SNCAIP: variants seen among roughly 807,000 people sequenced by gnomAD.
The protein encoded by SNCAIP is synphilin-1.
SNCAIP carries 43 observed loss-of-function variants against 86.7 expected under a neutral mutation model. The ratio of observed to expected loss-of-function variants is 0.50; its 90% CI spans 0.39 to 0.64. The LOEUF (loss-of-function observed/expected upper bound fraction) is 0.64, where lower values mean the gene tolerates loss of function less well. Ranked by LOEUF, SNCAIP falls within the 30% of genes least tolerant of loss-of-function variation. The probability of loss-of-function intolerance (pLI) is 0.00; values close to 1 mark genes in which losing one functional copy is unlikely to be tolerated. For synonymous variants in SNCAIP, 417 were observed against 427.2 expected, an observed-to-expected ratio of 0.98 and a Z score of 0.29; for missense variants, 981 against 1,103.1, an observed-to-expected ratio of 0.89 and a Z score of 1.57.
At chr5:122,318,379 C>T (rs953176266) in intron 1 of SNCAIP, among the ~76,000 whole-genome samples, 1 of 152,156 alleles carries the variant, frequency 6.6e-6, no homozygotes, top group African/African-American at 2.4e-5. Context: ...ACACTTTATC[C>T]TGTGGTACGT....
At chr5:122,311,721 G>C, upstream of SNCAIP, 1 of 152,776 alleles carries the variant, frequency 6.5e-6, no homozygotes, top group African/African-American at 2.4e-5. Context: ...AAAGTAGGCG[G>C]GGAGGAGAGG....
chr5:122,450,621 C>T lies in SNCAIP; in HGVS notation c.1774C>T (p.Gln592Ter). The T allele has an allele frequency of 6.2e-7, 1 of 1,613,970 alleles. No individual in the cohort carries two copies. The highest frequency in any genetic ancestry group is 8.5e-7 in the Non-Finnish European group (1 of 1,179,910). Residue 592 changes from glutamine to a stop codon, truncating the protein, a stop_gained, in exon 10 of 11, where the codon CAA becomes TAA. Coordinates refer to ENST00000261368, the MANE Select transcript of SNCAIP (RefSeq NM_005460.4). LOFTEE classifies it high-confidence loss of function. ...TGTAGCCAAAAGCAAGCCAGGAGTCCAAGAGGGGATTCAGGTTCTTGGAAG... is the reference window on the plus strand; with the variant it reads ...TGTAGCCAAAAGCAAGCCAGGAGTCTAAGAGGGGATTCAGGTTCTTGGAAG... ...DSVAKSKPGV[Q>*]EGIQVLGSLS...
chr5:122,390,477 T>C (rs1769114540), intron 1 of SNCAIP, among the ~76,000 whole-genome samples: 1 of 152,182 alleles, frequency 6.6e-6, no homozygotes, highest in African/African-American at 2.4e-5. Context: ...GCAAAGCTGT[T>C]TGAGGCAGAG....
At chr5:122,398,141 G>A (rs540726411) in intron 2 of SNCAIP, among the ~76,000 whole-genome samples, 43 of 152,254 alleles carry the variant, frequency 2.8e-4, no homozygotes, top group African/African-American at 9.6e-4. Context: ...TGCAAGAGCA[G>A]GAAGGCCCAT....
chr5:122,415,068 C>G (rs1775013347), intron 3 of SNCAIP, among the ~76,000 whole-genome samples: 1 of 152,216 alleles, frequency 6.6e-6, no homozygotes, highest in South Asian at 2.1e-4. Flanking sequence ...TTAAATCTTT[C>G]TTTCACTCTT....
chr5:122,436,496 A>C (rs1474343715), intron 6 of SNCAIP: 1 of 152,194 alleles, frequency 6.6e-6, no homozygotes, highest in African/African-American at 2.4e-5. Context: ...TAACCTATTT[A>C]ATCAATTCTT....
intron 1 of SNCAIP, among the ~76,000 whole-genome samples, chr5:122,348,971 A>G (rs895227071): frequency 6.6e-6 from 1 of 152,164 alleles, no homozygotes; most frequent in African/African-American, 2.4e-5. Flanking sequence ...CTTGTGATAT[A>G]ATTTTTAATG....
chr5:122,367,717 T>C (rs1311155369), intron 1 of SNCAIP, among the ~76,000 whole-genome samples: 1 of 152,088 alleles, frequency 6.6e-6, no homozygotes. Context: ...CTTTCCCGTT[T>C]CAAGCAGAAA....
Position 122,453,823 on chromosome 5 carries a change from G to A in SNCAIP, c.2754+2222G>A, listed in dbSNP as rs369344682. Among the ~76,000 whole-genome samples, 10 of 147,606 alleles carry A rather than the reference G, an allele frequency of 6.8e-5. No homozygotes were observed. The East Asian group carries it at 8.0e-4, about 12-fold the overall frequency. ...CACCCAGGCTGGAGTGCAGTGACAC[G>A]ATCTTGGCTCACTGCAACCTCTGCC... On this transcript the variant is annotated intron_variant, in intron 10 of 10. Transcript: ENST00000261368.
intron 1 of SNCAIP, among the ~76,000 whole-genome samples, chr5:122,338,764 C>A (rs567540744): frequency 6.6e-6 from 1 of 152,244 alleles, no homozygotes; most frequent in South Asian, 2.1e-4. Flanking sequence ...TTGTGTCATT[C>A]ATGTCTGTTT....
chr5:122,354,551 G>A (rs1760620556), intron 1 of SNCAIP, among the ~76,000 whole-genome samples: 1 of 152,184 alleles, frequency 6.6e-6, no homozygotes, highest in Non-Finnish European at 1.5e-5. Flanking sequence ...GGCCTGGGAT[G>A]TTTATGCAAC....
intron 2 of SNCAIP, among the ~76,000 whole-genome samples, chr5:122,396,160 C>T (rs369187262): frequency 1.3e-5 from 2 of 152,198 alleles, no homozygotes; most frequent in South Asian, 4.1e-4. Context: ...CCTTCTCCAG[C>T]TCAGCATCAT....
At chr5:122,332,234 A>G (rs1755506183) in intron 1 of SNCAIP, among the ~76,000 whole-genome samples, 1 of 152,340 alleles carries the variant, frequency 6.6e-6, no homozygotes, top group Admixed American at 6.5e-5. Context: ...ATTATTTTGT[A>G]TCTTGCGTTT....
chr5:122,446,179 A>G (rs932818062), intron 8 of SNCAIP, among the ~76,000 whole-genome samples: 1 of 152,176 alleles, frequency 6.6e-6, no homozygotes, highest in African/African-American at 2.4e-5. Flanking sequence ...ATGAACATGT[A>G]TAGATATTTC....
chr5:122,416,891 T>C (rs1775423268), intron 3 of SNCAIP, among the ~76,000 whole-genome samples: 1 of 152,334 alleles, frequency 6.6e-6, no homozygotes, highest in South Asian at 2.1e-4. Context: ...CCAGTAGCTA[T>C]GGATGTGAGG....
At chr5:122,443,547 C>T (rs1047037797) in intron 7 of SNCAIP, 2 of 454,976 alleles carry the variant, frequency 4.4e-6, no homozygotes, top group African/African-American at 4.0e-5. Context: ...ACTTCTGATT[C>T]AAAGCATTCT....
At chr5:122,319,525 GT>G (rs1156732105) in intron 1 of SNCAIP, among the ~76,000 whole-genome samples, 1 of 152,190 alleles carries the variant, frequency 6.6e-6, no homozygotes, top group East Asian at 1.9e-4. Context: ...TTCTTAAACT[GT>G]TTTCAGTCTG....
At chr5:122,432,694 T>C (rs1326095531) in intron 6 of SNCAIP, among the ~76,000 whole-genome samples, 1 of 152,000 alleles carries the variant, frequency 6.6e-6, no homozygotes, top group Non-Finnish European at 1.5e-5. Context: ...TCAGTTGCAA[T>C]CAATTTCCAC....
intron 1 of SNCAIP, among the ~76,000 whole-genome samples, chr5:122,321,087 A>G (rs952502761): frequency 6.6e-6 from 1 of 152,176 alleles, no homozygotes; most frequent in African/African-American, 2.4e-5. Context: ...GCAGATAGAA[A>G]TGTAATAGGA....
Sources: allele counts gnomAD v4.1 joint callset (sites outside exome capture counted in the v4.1 genomes callset), GRCh38; gene constraint gnomAD v4.1.1; transcripts MANE v1.5; gene names NCBI Gene and HGNC (gene_info 2026-07-23, HGNC 2026-07-21).